Variants in LRRC37A2 observed in about 807,000 individuals in gnomAD.
LRRC37A2 encodes leucine-rich repeat-containing protein 37A2.
A neutral mutation model predicts 68.8 loss-of-function variants in LRRC37A2; 9 were observed. The observed-to-expected ratio is 0.13, with a 90% CI of 0.08 to 0.23. LRRC37A2 has a LOEUF of 0.23. Ranked by LOEUF, LRRC37A2 falls within the 10% of genes least tolerant of loss-of-function variation. LRRC37A2 has a pLI of 1.00. For synonymous variants in LRRC37A2, 63 were observed against 367.6 expected (o/e 0.17, Z 9.48); for missense variants, 168 against 950.4 (o/e 0.18, Z 10.82).
chr17:46,928,881 C>T, the LRRC37A2 span, among the ~76,000 whole-genome samples: 1 of 152,154 alleles, frequency 6.6e-6, no homozygotes, highest in Non-Finnish European at 1.5e-5. Flanking sequence ...CTCTTTCCAT[C>T]CACATAACTT....
chr17:46,846,183 G>A, the LRRC37A2 span, among the ~76,000 whole-genome samples: 1 of 152,194 alleles, frequency 6.6e-6, no homozygotes, highest in Admixed American at 6.5e-5. Context: ...ACTCCTGCTA[G>A]TTTCAACCGT....
the LRRC37A2 span, among the ~76,000 whole-genome samples, chr17:46,947,542 G>A: frequency 7.9e-5 from 12 of 152,332 alleles, no homozygotes; most frequent in African/African-American, 2.6e-4. Context: ...GGAAGACCTG[G>A]ACATGATCTT....
chr17:46,679,700 A>G, the LRRC37A2 span, among the ~76,000 whole-genome samples: 2 of 151,676 alleles, frequency 1.3e-5, no homozygotes, highest in South Asian at 2.1e-4. Context: ...GTCAAAAAAA[A>G]AAAAAAGAAG....
chr17:46,810,044 T>C, the LRRC37A2 span, among the ~76,000 whole-genome samples: 2 of 149,886 alleles, frequency 1.3e-5, no homozygotes, highest in Non-Finnish European at 3.0e-5. Context: ...GTTGGTCTTG[T>C]TGCCCAGGCT....
At chr17:46,733,302 C>T in the LRRC37A2 span, among the ~76,000 whole-genome samples, 4 of 151,884 alleles carry the variant, frequency 2.6e-5, no homozygotes, top group South Asian at 8.3e-4. Flanking sequence ...CTGCAGCCTG[C>T]AGGACCAGTG....
At chr17:46,843,331 T>C in the LRRC37A2 span, among the ~76,000 whole-genome samples, 1 of 152,218 alleles carries the variant, frequency 6.6e-6, no homozygotes, top group Admixed American at 6.5e-5. Context: ...GGTGAACCCT[T>C]ATAATTATAA....
chr17:46,558,444 C>T (rs1275000525), downstream of LRRC37A2, among the ~76,000 whole-genome samples: 1 of 113,890 alleles, frequency 8.8e-6, no homozygotes. Context: ...TGGAGTGCAG[C>T]AGCGTGATCT....
the LRRC37A2 span, among the ~76,000 whole-genome samples, chr17:46,906,056 G>A: frequency 3.9e-5 from 6 of 152,224 alleles, no homozygotes; most frequent in East Asian, 1.9e-4. Context: ...TGTGCTGACC[G>A]CTGGGTGGTT....
the LRRC37A2 span, among the ~76,000 whole-genome samples, chr17:46,788,063 A>G: frequency 6.6e-6 from 1 of 152,080 alleles, no homozygotes; most frequent in Non-Finnish European, 1.5e-5. Context: ...TTGGGACTTC[A>G]AGGAATAGGT....
At chr17:46,851,349 G>C in the LRRC37A2 span, among the ~76,000 whole-genome samples, 1 of 151,642 alleles carries the variant, frequency 6.6e-6, no homozygotes, top group Admixed American at 6.6e-5. The surrounding 1 kb of genome is among the most constrained non-coding windows in gnomAD (Gnocchi z 4.3). Context: ...GACCCCGGGC[G>C]GGCGCGGCGC....
At chr17:46,858,191 A>G in the LRRC37A2 span, among the ~76,000 whole-genome samples, 1 of 152,174 alleles carries the variant, frequency 6.6e-6, no homozygotes, top group African/African-American at 2.4e-5. Flanking sequence ...CGGCCTCCCA[A>G]AGTGCTGGGA....
At chr17:46,986,163 T>TTA in the LRRC37A2 span, among the ~76,000 whole-genome samples, 47 of 152,284 alleles carry the variant, frequency 3.1e-4, no homozygotes, top group African/African-American at 1.1e-3. Flanking sequence ...GATTCAGCAT[T>TTA]TATCAATGGA....
At chr17:46,890,875 C>G in the LRRC37A2 span, among the ~76,000 whole-genome samples, 41 of 152,184 alleles carry the variant, frequency 2.7e-4, no homozygotes, top group African/African-American at 9.4e-4. Context: ...TTTTAATGCT[C>G]TTGTTCAGTG....
At chr17:46,875,130 G>T in the LRRC37A2 span, 2 of 1,613,792 alleles carry the variant, frequency 1.2e-6, no homozygotes, top group Non-Finnish European at 1.7e-6. Context: ...CCTGTACGCG[G>T]TGTCCTCTGC....
At chr17:46,729,180 T>C in the LRRC37A2 span, among the ~76,000 whole-genome samples, 1 of 152,228 alleles carries the variant, frequency 6.6e-6, no homozygotes, top group Admixed American at 6.5e-5. Flanking sequence ...CAATTAGCAT[T>C]GTATTTTGTT....
the LRRC37A2 span, among the ~76,000 whole-genome samples, chr17:46,849,721 G>C: frequency 6.6e-6 from 1 of 152,190 alleles, no homozygotes. Context: ...GAGATCAACA[G>C]ATGATACAAA....
the LRRC37A2 span, among the ~76,000 whole-genome samples, chr17:46,860,322 C>T: frequency 6.6e-6 from 1 of 152,140 alleles, no homozygotes; most frequent in Non-Finnish European, 1.5e-5. Context: ...GGATTATGTG[C>T]TCAGGTGGAA....
chr17:46,952,346 G>A, the LRRC37A2 span, among the ~76,000 whole-genome samples: 1 of 152,212 alleles, frequency 6.6e-6, no homozygotes, highest in Non-Finnish European at 1.5e-5. Context: ...ACATGACTGC[G>A]CGGTGGGCCG....
chr17:46,978,376 C>T, the LRRC37A2 span: 1 of 418,794 alleles, frequency 2.4e-6, no homozygotes, highest in South Asian at 3.2e-5. Context: ...CCCCGAACGT[C>T]TTAAAAAACA....
Sources: gnomAD v4.1 joint callset for allele counts (sites outside exome capture counted in the v4.1 genomes callset) on GRCh38, gnomAD v4.1.1 for gene constraint, Gnocchi (gnomAD v3.1) non-coding constraint, MANE v1.5 for transcripts, NCBI Gene and HGNC (gene_info 2026-07-23, HGNC 2026-07-21) for gene names.